The following PRKCE variants were observed in gnomAD, a reference collection of about 807,000 sequenced individuals.
PRKCE encodes the protein protein kinase C epsilon, also known as protein kinase C epsilon type.
PRKCE carries 16 observed loss-of-function variants against 85.4 expected under a neutral mutation model. The ratio of observed to expected loss-of-function variants is 0.19; its 90% CI spans 0.13 to 0.28. The LOEUF (loss-of-function observed/expected upper bound fraction) is 0.28. PRKCE is among the 10% of genes least tolerant of loss of function. PRKCE has a pLI of 1.00. For missense variants in PRKCE, 573 were observed against 975.2 expected, an observed-to-expected ratio of 0.59 and a Z score of 5.49; for synonymous variants, 388 against 371.5, an observed-to-expected ratio of 1.04 and a Z score of -0.51.
chr2:45,957,009 T>C (rs1402008400), intron 2 of PRKCE, among the ~76,000 whole-genome samples: 1 of 150,546 alleles, frequency 6.6e-6, no homozygotes, highest in African/African-American at 2.4e-5. Flanking sequence ...AATTATTGAG[T>C]TCTGAGAGTT....
At chr2:46,102,050 G>A (rs1436337448) in intron 11 of PRKCE, among the ~76,000 whole-genome samples, 2 of 151,874 alleles carry the variant, frequency 1.3e-5, no homozygotes, top group Non-Finnish European at 2.9e-5. Flanking sequence ...CGGCGGGAAA[G>A]GTGATTGTGC....
intron 1 of PRKCE, among the ~76,000 whole-genome samples, chr2:45,659,077 A>T (rs2103727516): frequency 6.6e-6 from 1 of 152,314 alleles, no homozygotes; most frequent in African/African-American, 2.4e-5. Flanking sequence ...CTAAATTCCT[A>T]ATTCCAGCTC....
intron 1 of PRKCE, among the ~76,000 whole-genome samples, chr2:45,796,458 C>T (rs1687443182): frequency 6.6e-6 from 1 of 152,198 alleles, no homozygotes; most frequent in Non-Finnish European, 1.5e-5. Flanking sequence ...CCACATAATA[C>T]AAGCATTGGC....
intron 1 of PRKCE, among the ~76,000 whole-genome samples, chr2:45,713,588 G>C (rs1329285821): frequency 6.6e-6 from 1 of 152,182 alleles, no homozygotes; most frequent in Non-Finnish European, 1.5e-5. Context: ...TTGAAGAAGG[G>C]ATCCACTGGC....
chr2:45,741,698 G>T (rs73926049), intron 1 of PRKCE, among the ~76,000 whole-genome samples: 5,528 of 152,310 alleles, frequency 0.036, 335 homozygotes, highest in African/African-American at 0.13. Context: ...GCTGCGGGCT[G>T]TGGTCTTGGA....
chr2:46,014,601 A>G (rs116794723), intron 10 of PRKCE, among the ~76,000 whole-genome samples: 5 of 152,336 alleles, frequency 3.3e-5, no homozygotes, highest in Non-Finnish European at 7.3e-5. Context: ...GTTTCTTGCT[A>G]TAAAAAAATT....
At chr2:46,117,971 C>T (rs1254589514) in intron 11 of PRKCE, among the ~76,000 whole-genome samples, 1 of 152,148 alleles carries the variant, frequency 6.6e-6, no homozygotes, top group Non-Finnish European at 1.5e-5. Context: ...TCCTGTAAAA[C>T]ACTTCAAAAT....
chr2:45,701,878 A>G (rs1028668844), intron 1 of PRKCE, among the ~76,000 whole-genome samples: 1 of 152,192 alleles, frequency 6.6e-6, no homozygotes, highest in South Asian at 2.1e-4. Flanking sequence ...TCTGAAATTT[A>G]GGACTCACCG....
chr2:45,710,414 G>A (rs1055734482), intron 1 of PRKCE, among the ~76,000 whole-genome samples: 1 of 152,226 alleles, frequency 6.6e-6, no homozygotes, highest in Non-Finnish European at 1.5e-5. Flanking sequence ...ATCCTCCAGA[G>A]TCTCTAATAT....
chr2:45,933,659 G>A (rs1699229769), intron 2 of PRKCE, among the ~76,000 whole-genome samples: 1 of 151,624 alleles, frequency 6.6e-6, no homozygotes. Flanking sequence ...TGTGTTTTTA[G>A]TGGAGACGGG....
chr2:45,765,433 G>C (rs1029063044), intron 1 of PRKCE, among the ~76,000 whole-genome samples: 6 of 152,196 alleles, frequency 3.9e-5, no homozygotes, highest in Non-Finnish European at 8.8e-5. Context: ...CCGGTGCCTT[G>C]AAGCTGTAGA....
At position 45,759,890 on chromosome 2, in the gene PRKCE, A is replaced by T. The variant is rs117639656; in HGVS notation, c.349-83110A>T. Among the ~76,000 whole-genome samples, 281 of 152,340 alleles carry T rather than the reference A, an allele frequency of 1.8e-3. 2 individuals carry two copies. The highest frequency in any genetic ancestry group is 0.011 in the East Asian group (56 of 5,186). ...CTGCTTCTGTTGCAGGTGATGGATC[A>T]TGCCTATGCTATTCTTTGAGTTTCT... is the stretch of plus-strand genomic sequence containing the variant. On this transcript the variant is annotated intron_variant, in intron 1 of 14. Coordinates refer to ENST00000306156, the MANE Select transcript of PRKCE (RefSeq NM_005400.3).
At chr2:46,144,297 A>G (rs1240395816) in intron 11 of PRKCE, among the ~76,000 whole-genome samples, 1 of 152,146 alleles carries the variant, frequency 6.6e-6, no homozygotes, top group Admixed American at 6.5e-5. Context: ...GCTTGCCCCT[A>G]GGAAAGTGAT....
Position 46,187,805 on chromosome 2 carries a change from AT to A in PRKCE, c.*2936del, listed in dbSNP as rs5830890. 0.13 allele frequency: 18,615 copies of A among 145,708 alleles called. 2,883 individuals are homozygous for A. Among genetic ancestry groups the A allele is most frequent in the African/African-American group, 0.36 (14,538 of 40,226 alleles). 9.0% of individuals were successfully genotyped at this position (145,708 alleles called of 1,614,324 possible). On this transcript the variant is annotated 3_prime_UTR_variant, in exon 15 of 15. Coordinates refer to ENST00000306156, the MANE Select transcript of PRKCE (RefSeq NM_005400.3). The stretch of plus-strand genomic sequence containing the variant: ...ACTGTAAAATGTATTCAATTTTAGG[AT>A]TTTTTTTTTTTGTATTGTGATGCTT...
At chr2:46,021,665 G>A (rs570343022) in intron 10 of PRKCE, among the ~76,000 whole-genome samples, 1 of 152,258 alleles carries the variant, frequency 6.6e-6, no homozygotes, top group Non-Finnish European at 1.5e-5. Context: ...CAGTTCAGTT[G>A]GCACATCATG....
chr2:45,903,566 T>G (rs1696728048), intron 2 of PRKCE, among the ~76,000 whole-genome samples: 1 of 152,216 alleles, frequency 6.6e-6, no homozygotes, highest in Non-Finnish European at 1.5e-5. Flanking sequence ...TATAACTATG[T>G]TCCAAATATT....
chr2:46,135,775 A>ATTTTTTTTTTTTTTTT (rs1674928141), intron 11 of PRKCE, among the ~76,000 whole-genome samples: 4 of 16,098 alleles, frequency 2.5e-4, no homozygotes, highest in African/African-American at 4.6e-4. Context: ...TTTTTTTTTA[A>ATTTTTTTTTTTTTTTT]TGTAGGGGAA....
At chr2:45,773,572 G>T (rs1289175793) in intron 1 of PRKCE, among the ~76,000 whole-genome samples, 2 of 152,164 alleles carry the variant, frequency 1.3e-5, no homozygotes, top group African/African-American at 4.8e-5. Flanking sequence ...AGGCCACACT[G>T]CCTCCCCAGT....
intron 1 of PRKCE, among the ~76,000 whole-genome samples, chr2:45,779,594 ATATT>A (rs942251706): frequency 6.7e-6 from 1 of 149,558 alleles, no homozygotes; most frequent in African/African-American, 2.5e-5. Flanking sequence ...ATGCAGAAAT[ATATT>A]AAAGTAAAAA....
Sources: gnomAD v4.1 joint callset for allele counts (sites outside exome capture counted in the v4.1 genomes callset) on GRCh38, gnomAD v4.1.1 for gene constraint, MANE v1.5 for transcripts, NCBI Gene and HGNC (gene_info 2026-07-23, HGNC 2026-07-21) for gene names.